Variants in RYR1 observed in about 807,000 individuals in gnomAD.
RYR1 encodes the protein central core disease of muscle.
Under a neutral mutation model 583.5 loss-of-function variants are expected in RYR1, and 342 were observed. The observed-to-expected ratio is 0.59, with a 90% CI of 0.54 to 0.64. RYR1 has a LOEUF of 0.64. RYR1 is among the 30% of genes least tolerant of loss of function. RYR1 has a pLI of 0.00. For missense variants in RYR1, 6,032 were observed against 6,917.2 expected (o/e 0.87, Z 4.54); for synonymous variants, 2,791 against 2,822.5 (o/e 0.99, Z 0.35).
rs1489982322 is a variant in RYR1, at chr19:38,577,915, C to A, written c.14173-3C>A. Reference sequence around the variant, plus strand: ...CTACACAGCCTGATGCTCTCTTGTGCAGGTCCTGGACAAACATGGGGACAT... The same window carrying A: ...CTACACAGCCTGATGCTCTCTTGTGAAGGTCCTGGACAAACATGGGGACAT... On this transcript the variant is annotated splice_polypyrimidine_tract_variant and splice_region_variant and intron_variant, in intron 97 of 105. Coordinates refer to ENST00000359596, the MANE Select transcript of RYR1 (RefSeq NM_000540.3). 1 of 1,614,098 alleles carries A rather than the reference C, an allele frequency of 6.2e-7. No homozygotes were observed. The highest frequency in any genetic ancestry group is 1.7e-5 in the Admixed American group (1 of 60,002).
rs112105381 is a variant in RYR1 at position 38,473,666 on chromosome 19, C to G, written c.4055C>G (p.Ala1352Gly). ...GCAGAGAACGGCAAAGAAGGGACTG[C>G]GAAGGAGGGCGCCCCCGGGGGCACC... ...SEAENGKEGT[A>G]KEGAPGGTPQ... Residue 1352 changes from alanine to glycine, a missense_variant, in exon 28 of 106, where the codon GCG becomes GGG. Around this residue, in one of 11 missense-constraint regions of RYR1, gnomAD observed 2,627 missense variants for 2,961.3 expected, o/e 0.89. Transcript: ENST00000359596. 2,094 of 1,552,088 alleles carry G rather than the reference C, an allele frequency of 1.3e-3. 24 individuals are homozygous for G. In the African/African-American group the frequency reaches 0.022, roughly 16 times the overall value.
intron 50 of RYR1, 53 bp from the exon 51 acceptor site, chr19:38,504,695 G>T (rs1410629289): frequency 6.2e-7 from 1 of 1,603,972 alleles, no homozygotes; most frequent in Non-Finnish European, 8.5e-7. Flanking sequence ...AGGTCCTGGG[G>T]GTCAGTAAGG....
At chr19:38,532,825 A>T in intron 78 of RYR1, 89 bp downstream of exon 78, 6 of 1,362,912 alleles carry the variant, frequency 4.4e-6, no homozygotes, top group Non-Finnish European at 6.2e-6. Flanking sequence ...TTCACAGAGC[A>T]AAGCTCTGGG....
chr19:38,436,479 G>A (rs1972432944), intron 1 of RYR1, among the ~76,000 whole-genome samples: 1 of 152,138 alleles, frequency 6.6e-6, no homozygotes, highest in African/African-American at 2.4e-5. Flanking sequence ...AAAGTTTTGG[G>A]ATTACAGGCA....
intron 19 of RYR1, 103 bp downstream of exon 19, chr19:38,459,441 A>C (rs986778770): frequency 3.6e-6 from 4 of 1,119,402 alleles, no homozygotes; most frequent in Admixed American, 2.0e-5. Context: ...AGGACACTGC[A>C]GCCTACCATC....
rs1190280574 is a variant in RYR1, at chr19:38,575,900, T to A, written c.14130-19T>A. 1 of 1,427,464 alleles carries A rather than the reference T, an allele frequency of 7.0e-7. No individual in the cohort carries two copies. The highest frequency in any genetic ancestry group is 1.8e-5 in the Admixed American group (1 of 56,014). 88.4% of individuals were successfully genotyped at this position (1,427,464 alleles called of 1,614,324 possible). A position where few individuals can be genotyped will look rare whatever the true frequency, so the allele number is the denominator to read the frequency against. Reference sequence around the variant, plus strand: ...GCCCTAACATCTTATACTCACGCTTTCTCTCTCTCTCTCTGCAGGTCTTTC... The same window carrying A: ...GCCCTAACATCTTATACTCACGCTTACTCTCTCTCTCTCTGCAGGTCTTTC... On this transcript the variant is annotated intron_variant, in intron 96 of 105. Transcript: ENST00000359596.
At chr19:38,532,109 A>G (rs1333412002) in intron 76 of RYR1, among the ~76,000 whole-genome samples, 1 of 151,182 alleles carries the variant, frequency 6.6e-6, no homozygotes, top group Non-Finnish European at 1.5e-5. Context: ...CCCTCCAAAG[A>G]AAACCAGAAG....
intron 1 of RYR1, among the ~76,000 whole-genome samples, chr19:38,436,012 G>C (rs1024728887): frequency 6.6e-6 from 1 of 151,368 alleles, no homozygotes; most frequent in South Asian, 2.1e-4. Flanking sequence ...GGGTTCAAGC[G>C]ATTCTTCTGC....
chr19:38,440,735 G>T lies in RYR1; in HGVS notation c.46-10G>T. On this transcript the variant is annotated splice_polypyrimidine_tract_variant and intron_variant, in intron 1 of 105. Coordinates refer to ENST00000359596, the MANE Select transcript of RYR1 (RefSeq NM_000540.3). ...GGCCCCCCTGGAGACGCTGCCCCTC[G>T]GTTCCGCAGGACGATGAGGTGGTCC... 1.2e-6 allele frequency: 2 copies of T among 1,604,526 alleles called. No homozygotes were observed. The highest frequency in any genetic ancestry group is 8.5e-7 in the Non-Finnish European group (1 of 1,174,636).
At chr19:38,474,564 CTTT>C (rs970000046) in intron 28 of RYR1, among the ~76,000 whole-genome samples, 214 of 88,158 alleles carry the variant, frequency 2.4e-3, no homozygotes, top group African/African-American at 9.3e-3. Flanking sequence ...CGCCCGGCTC[CTTT>C]TTTTTTTTTT....
chr19:38,536,893 C>T lies in RYR1; in HGVS notation c.11608+126C>T. ...GGAGGGAGGGACCCTTCAGCAGGTGCACCCTGCCAGTGCAAAACCTGGAGA... is the reference window on the plus strand; with the variant it reads ...GGAGGGAGGGACCCTTCAGCAGGTGTACCCTGCCAGTGCAAAACCTGGAGA... On this transcript the variant is annotated intron_variant, in intron 83 of 105. Coordinates refer to ENST00000359596, the MANE Select transcript of RYR1 (RefSeq NM_000540.3). 3 of 1,011,668 alleles carry T rather than the reference C, an allele frequency of 3.0e-6. 1 individual carries two copies. In the South Asian group the frequency reaches 4.0e-5, roughly 14 times the overall value. The allele number at this position is 1,011,668 out of a possible 1,614,324, so 62.7% of individuals were successfully genotyped here. A position where few individuals can be genotyped will look rare whatever the true frequency, so the allele number is the denominator to read the frequency against.
rs1166919161 is a variant in RYR1, at chr19:38,504,327, C to A, written c.8034C>A (p.Leu2678=). The change falls in exon 50 of 106, where the codon CTC becomes CTA. Residue 2678 remains leucine (L), a synonymous_variant. Transcript: ENST00000359596. The part of the protein sequence containing the change: ...SEEELHLTRK[L]FWGIFDSLAH... Reference sequence around the variant, plus strand: ...AGGAGCTGCACCTCACACGGAAACTCTTCTGGGGCATCTTTGACTCTCTGG... The same window carrying A: ...AGGAGCTGCACCTCACACGGAAACTATTCTGGGGCATCTTTGACTCTCTGG... 1 of 1,614,188 alleles carries A rather than the reference C, an allele frequency of 6.2e-7. No homozygotes were observed. The highest frequency in any genetic ancestry group is 1.1e-5 in the South Asian group (1 of 91,078).
chr19:38,505,704 A>G lies in RYR1; in HGVS notation c.8401-102A>G, dbSNP rs1369884833. The G allele has an allele frequency of 2.8e-6, 4 of 1,445,522 alleles. No individual in the cohort carries two copies. In the Admixed American group the frequency reaches 7.1e-5, roughly 26 times the overall value. 89.5% of individuals were successfully genotyped at this position (1,445,522 alleles called of 1,614,324 possible). A position where few individuals can be genotyped will look rare whatever the true frequency, so the allele number is the denominator to read the frequency against. ...AGACTTGAGTTGGAATCCAGACTGG[A>G]CCATTGCCTAGCCACATGGTCAGGG... On this transcript the variant is annotated intron_variant, in intron 53 of 105. Transcript: ENST00000359596.
rs1182220054 is a variant in RYR1, at chr19:38,452,925, T to C, written c.1351T>C (p.Phe451Leu). Residue 451 changes from phenylalanine (F) to leucine (L), a missense_variant, in exon 13 of 106, where the codon TTC becomes CTC. Physicochemically the swap from Phe to Leu is conservative, Grantham distance 22 (BLOSUM62 0). This residue lies in a region of RYR1 where 2,627 missense variants were observed against 2,961.3 expected (regional missense o/e 0.89). Transcript: ENST00000359596. The part of the protein sequence containing the change: ...ILSLQDLIIY[F>L]EPPSEDLQHE... ...GAGCCTGCAGGACCTCATCATCTACTTCGAGCCTCCCTCCGAGGACTTGCA... is the reference window on the plus strand; with the variant it reads ...GAGCCTGCAGGACCTCATCATCTACCTCGAGCCTCCCTCCGAGGACTTGCA... 2 of 1,613,812 alleles carry C rather than the reference T, an allele frequency of 1.2e-6. No homozygotes were observed. Among genetic ancestry groups the C allele is most frequent in the East Asian group, 2.2e-5 (1 of 44,872 alleles).
chr19:38,474,749 A>G (rs765527186), intron 28 of RYR1, among the ~76,000 whole-genome samples: 2 of 149,494 alleles, frequency 1.3e-5, no homozygotes, highest in Admixed American at 6.7e-5. Flanking sequence ...TAATTTTTGT[A>G]TTTTTGGTAG....
In RYR1 at chr19:38,571,882, A is replaced by G. The variant is rs189881291; in HGVS notation, c.13747-137A>G. The G allele has an allele frequency of 8.3e-4, 1,081 of 1,295,460 alleles. 5 individuals carry two copies. In the African/African-American group the frequency reaches 0.014, roughly 17 times the overall value. The allele number at this position is 1,295,460 out of a possible 1,614,324, so 80.2% of individuals were successfully genotyped here. ...TTTGCTAGCTACAGCCCTAGGCCCA[A>G]CCCTTGATCTTGATTGACAGCCACA... On this transcript the variant is annotated intron_variant, in intron 94 of 105. Coordinates refer to ENST00000359596, the MANE Select transcript of RYR1 (RefSeq NM_000540.3).
At chr19:38,488,598 T>C (rs7252837) in intron 34 of RYR1, among the ~76,000 whole-genome samples, 7,328 of 152,276 alleles carry the variant, frequency 0.048, 327 homozygotes, top group African/African-American at 0.12. Flanking sequence ...GCCTCCCAGA[T>C]TCAAGTGATT....
chr19:38,481,092 C>T (rs958286809), intron 31 of RYR1, among the ~76,000 whole-genome samples: 55 of 152,022 alleles, frequency 3.6e-4, no homozygotes, highest in African/African-American at 1.2e-3. Flanking sequence ...CAGGCTGGTG[C>T]GCAGTGGTGC....
intron 89 of RYR1, among the ~76,000 whole-genome samples, chr19:38,554,113 G>A (rs114259985): frequency 3.7e-4 from 56 of 151,832 alleles, no homozygotes; most frequent in African/African-American, 1.3e-3. Flanking sequence ...ATGTTTTACT[G>A]CAGAGTTCCA....
Sources: allele counts gnomAD v4.1 joint callset (sites outside exome capture counted in the v4.1 genomes callset), GRCh38; gene constraint gnomAD v4.1.1; regional missense constraint gnomAD v4.1.1; transcripts MANE v1.5; gene names NCBI Gene and HGNC (gene_info 2026-07-23, HGNC 2026-07-21).